Variants in SLC22A11 observed in about 807,000 individuals in gnomAD.
SLC22A11 encodes solute carrier family 22 member 11, also known as organic anion transporter 4.
SLC22A11 carries 42 observed loss-of-function variants against 49.4 expected under a neutral mutation model. The observed-to-expected ratio is 0.85, with a 90% CI of 0.66 to 1.10. The LOEUF is 1.10. SLC22A11 is among the 50% of genes least tolerant of loss of function. SLC22A11 has a pLI of 0.00. For synonymous variants in SLC22A11, 304 were observed against 315.8 expected (o/e 0.96, Z 0.40); for missense variants, 685 against 731.6 (o/e 0.94, Z 0.74).
intron 6 of SLC22A11, among the ~76,000 whole-genome samples, chr11:64,566,965 C>T (rs551354085): frequency 2.3e-3 from 347 of 152,098 alleles, no homozygotes; most frequent in Admixed American, 3.7e-3. Context: ...AGAAAGCAGA[C>T]CCTGAGATGG....
In SLC22A11 at chr11:64,571,310, C is replaced by T. The variant is rs548985471; in HGVS notation, c.*268C>T. On this transcript the variant is annotated 3_prime_UTR_variant, in exon 10 of 10. Transcript: ENST00000301891. ...GCAGATGGCCATGCCCAACCAATAA[C>T]GAGACGGTTCCCCTCCCTTTCCCTG... 3.4e-4 allele frequency: 158 copies of T among 459,280 alleles called. No individual in the cohort carries two copies. Among genetic ancestry groups the T allele is most frequent in the Middle Eastern group, 1.7e-3 (3 of 1,746 alleles). 28.5% of individuals were successfully genotyped at this position (459,280 alleles called of 1,614,324 possible).
chr11:64,557,405 GA>G (rs2038477630), intron 1 of SLC22A11, among the ~76,000 whole-genome samples: 1 of 152,234 alleles, frequency 6.6e-6, no homozygotes, highest in Admixed American at 6.5e-5. Context: ...CCTTCAGGCA[GA>G]TGGTTGGGGA....
intron 7 of SLC22A11, among the ~76,000 whole-genome samples, chr11:64,568,163 A>T (rs2038654246): frequency 6.6e-6 from 1 of 152,226 alleles, no homozygotes. Context: ...AGCTGCGAGG[A>T]AACTGACAAC....
intron 6 of SLC22A11, among the ~76,000 whole-genome samples, chr11:64,566,997 T>A (rs1376898416): frequency 2.6e-5 from 4 of 151,588 alleles, no homozygotes; most frequent in African/African-American, 9.7e-5. Flanking sequence ...CAAGGGGAGA[T>A]GCAGCCACAG....
At position 64,564,561 on chromosome 11, in the gene SLC22A11, C is replaced by A. The variant is rs2038597138; in HGVS notation, c.942+133C>A. 2 of 1,049,698 alleles carry A rather than the reference C, an allele frequency of 1.9e-6. No homozygotes were observed. The highest frequency in any genetic ancestry group is 1.6e-5 in the African/African-American group (1 of 62,990). The allele number at this position is 1,049,698 out of a possible 1,614,324, so 65.0% of individuals were successfully genotyped here. ...ACCACCACCAGCATCTCCACAGACACCACCAACACCTCCATCACCACCTCC... is the reference window on the plus strand; with the variant it reads ...ACCACCACCAGCATCTCCACAGACAACACCAACACCTCCATCACCACCTCC... On this transcript the variant is annotated intron_variant, in intron 5 of 9. Transcript: ENST00000301891. The surrounding 1 kb of genome is among the most constrained non-coding windows in gnomAD (Gnocchi z 4.2).
In SLC22A11 at chr11:64,571,265, C is replaced by T. The variant is rs942067665; in HGVS notation, c.*223C>T. 1.6e-5 allele frequency: 9 copies of T among 571,316 alleles called. No individual in the cohort carries two copies. Among genetic ancestry groups the T allele is most frequent in the Admixed American group, 1.3e-4 (4 of 32,000 alleles). The allele number at this position is 571,316 out of a possible 1,614,324, so 35.4% of individuals were successfully genotyped here. On this transcript the variant is annotated 3_prime_UTR_variant, in exon 10 of 10. Transcript: ENST00000301891. ...CCCTGATCAGATTCCCCACCTTACC[C>T]GGGCCCTACAGGAGCCTGTGCAGAT...
Position 64,565,163 on chromosome 11 carries a change from CAG to C in SLC22A11, c.943-58_943-57del. Reference sequence around the variant, plus strand: ...GCCACTTGGACACTGTTCTCTGGCACAGGGGGTGGGGCAGGGCCATTGCCCTA... The same window carrying C: ...GCCACTTGGACACTGTTCTCTGGCACGGGGTGGGGCAGGGCCATTGCCCTA... On this transcript the variant is annotated intron_variant, in intron 5 of 9. Coordinates refer to ENST00000301891, the MANE Select transcript of SLC22A11 (RefSeq NM_018484.4). The surrounding 1 kb of genome is among the most constrained non-coding windows in gnomAD (Gnocchi z 4.1). The C allele has an allele frequency of 7.5e-7, 1 of 1,327,686 alleles. No homozygotes were observed. The highest frequency in any genetic ancestry group is 2.5e-5 in the East Asian group (1 of 39,348). 82.2% of individuals were successfully genotyped at this position (1,327,686 alleles called of 1,614,324 possible). A position where few individuals can be genotyped will look rare whatever the true frequency, so the allele number is the denominator to read the frequency against.
intron 6 of SLC22A11, among the ~76,000 whole-genome samples, 177 bp from the exon 7 acceptor site, chr11:64,567,422 C>T (rs942158864): frequency 6.6e-6 from 1 of 152,188 alleles, no homozygotes; most frequent in Non-Finnish European, 1.5e-5. Flanking sequence ...AAGAGCCTGA[C>T]GCTGGGGTTG....
In SLC22A11 at chr11:64,564,323, C is replaced by T. The variant is rs140061747; in HGVS notation, c.837C>T (p.Ser279=). The T allele has an allele frequency of 8.6e-5, 139 of 1,614,092 alleles. No homozygotes were observed. Among genetic ancestry groups the T allele is most frequent in the South Asian group, 8.5e-4 (77 of 91,090 alleles). ...CTCCTTACAGGTGGCTGCCAGAATC[C>T]GCCCGGTGGCTGATTATTAAGGGCA... ...ISLISWWLPE[S]ARWLIIKGKP... is the part of the protein sequence containing the mutation. Residue 279 remains serine, a synonymous_variant, in exon 5 of 10, where the codon TCC becomes TCT. Coordinates refer to ENST00000301891, the MANE Select transcript of SLC22A11 (RefSeq NM_018484.4). The surrounding 1 kb of genome is among the most constrained non-coding windows in gnomAD (Gnocchi z 4.2).
Position 64,565,419 on chromosome 11 carries a change from C to A in SLC22A11, c.1058+82C>A. The A allele has an allele frequency of 1.7e-6, 2 of 1,174,652 alleles. No individual in the cohort carries two copies. The highest frequency in any genetic ancestry group is 5.1e-5 in the East Asian group (2 of 39,134). The allele number at this position is 1,174,652 out of a possible 1,614,324, so 72.8% of individuals were successfully genotyped here. A position where few individuals can be genotyped will look rare whatever the true frequency, so the allele number is the denominator to read the frequency against. ...CTGGGACAGGCAGGAGGCAGAGCGT[C>A]CAGGGGAAACAGCACCCGCAGGCCT... On this transcript the variant is annotated intron_variant, in intron 6 of 9. Coordinates refer to ENST00000301891, the MANE Select transcript of SLC22A11 (RefSeq NM_018484.4). This position sits in a 1 kb window ranked among gnomAD's most constrained non-coding sequence, Gnocchi z 4.1.
Position 64,560,593 on chromosome 11 carries a change from C to A in SLC22A11, c.497+1355C>A, listed in dbSNP as rs114532938. ...CTCAATGCTCTTCCTTGAGGAGGCC[C>A]TCCGAGGCCACGGAGCCAGAGACTC... On this transcript the variant is annotated intron_variant, in intron 2 of 9. Transcript: ENST00000301891. 2.4e-3 allele frequency among the ~76,000 whole-genome samples: 372 copies of A among 152,332 alleles called. 1 individual carries two copies. Among genetic ancestry groups the A allele is most frequent in the African/African-American group, 8.4e-3 (351 of 41,572 alleles).
chr11:64,559,335 C>T, intron 2 of SLC22A11, 97 bp downstream of exon 2: 2 of 918,988 alleles, frequency 2.2e-6, no homozygotes, highest in East Asian at 3.0e-5. Context: ...ACACCCCATC[C>T]CTGCTTCCGT....
chr11:64,559,239 G>A lies in SLC22A11; in HGVS notation c.497+1G>A. 1 of 1,595,052 alleles carries A rather than the reference G, an allele frequency of 6.3e-7. No homozygotes were observed. Among genetic ancestry groups the A allele is most frequent in the East Asian group, 2.3e-5 (1 of 43,796 alleles). ...TTATCTGGGGCCTCCTCTCCTACCG[G>A]TGAGTGCCTCCGCTCCTCCCAGCCC... On this transcript the variant is annotated splice_donor_variant, in intron 2 of 9. Transcript: ENST00000301891. LOFTEE classifies it high-confidence loss of function.
Position 64,565,358 on chromosome 11 carries a change from T to G in SLC22A11, c.1058+21T>G. 6.5e-7 allele frequency: 1 copy of G among 1,535,280 alleles called. No individual in the cohort carries two copies. Among genetic ancestry groups the G allele is most frequent in the Non-Finnish European group, 8.8e-7 (1 of 1,137,678 alleles). Reference sequence around the variant, plus strand: ...GTGAAGTACGCCGTCCTGGTGTCCCTCCCCAAGGCAGGGCTGGGACAGGCA... The same window carrying G: ...GTGAAGTACGCCGTCCTGGTGTCCCGCCCCAAGGCAGGGCTGGGACAGGCA... On this transcript the variant is annotated intron_variant, in intron 6 of 9. Coordinates refer to ENST00000301891, the MANE Select transcript of SLC22A11 (RefSeq NM_018484.4). This position sits in a 1 kb window ranked among gnomAD's most constrained non-coding sequence, Gnocchi z 4.1.
At chr11:64,570,465 G>A (rs1404464693) in intron 9 of SLC22A11, among the ~76,000 whole-genome samples, 4 of 152,224 alleles carry the variant, frequency 2.6e-5, no homozygotes, top group Non-Finnish European at 5.9e-5. Flanking sequence ...GGCTCACAGA[G>A]TTGTTTTCAA....
chr11:64,559,352 C>T, intron 2 of SLC22A11, 114 bp downstream of exon 2: 5 of 793,168 alleles, frequency 6.3e-6, no homozygotes, highest in Non-Finnish European at 9.4e-6. Context: ...CCGTCTCCCT[C>T]CTGCCTCCTC....
At chr11:64,557,578 G>A (rs113681446) in intron 1 of SLC22A11, among the ~76,000 whole-genome samples, 98 of 152,042 alleles carry the variant, frequency 6.4e-4, no homozygotes, top group African/African-American at 1.9e-3. Context: ...GGTGCTGAGG[G>A]GCCAGAAGCA....
intron 2 of SLC22A11, among the ~76,000 whole-genome samples, chr11:64,561,631 A>G (rs1248081061): frequency 6.6e-6 from 1 of 150,466 alleles, no homozygotes; most frequent in African/African-American, 2.4e-5. Context: ...TTATTTATTT[A>G]TTTATTTATT....
At position 64,564,576 on chromosome 11, in the gene SLC22A11, T is replaced by TCACCACCTCCAC. The variant is rs1478866041; in HGVS notation, c.942+149_942+160dup. 2.6e-5 allele frequency: 23 copies of TCACCACCTCCAC among 901,938 alleles called. No homozygotes were observed. The highest frequency in any genetic ancestry group is 1.0e-5 in the Non-Finnish European group (6 of 596,618). The allele number at this position is 901,938 out of a possible 1,614,324, so 55.9% of individuals were successfully genotyped here. A position where few individuals can be genotyped will look rare whatever the true frequency, so the allele number is the denominator to read the frequency against. ...TCCACAGACACCACCAACACCTCCA[T>TCACCACCTCCAC]CACCACCTCCACACAGACACCACCA... On this transcript the variant is annotated intron_variant, in intron 5 of 9. Coordinates refer to ENST00000301891, the MANE Select transcript of SLC22A11 (RefSeq NM_018484.4). The surrounding 1 kb of genome is among the most constrained non-coding windows in gnomAD (Gnocchi z 4.2).
Sources: allele counts gnomAD v4.1 joint callset (sites outside exome capture counted in the v4.1 genomes callset), GRCh38; gene constraint gnomAD v4.1.1; non-coding constraint Gnocchi (gnomAD v3.1); transcripts MANE v1.5; gene names NCBI Gene and HGNC (gene_info 2026-07-23, HGNC 2026-07-21).